Variants in FHIT observed in about 807,000 individuals in gnomAD.
The protein encoded by FHIT is fragile histidine triad diadenosine triphosphatase.
FHIT carries 19 observed loss-of-function variants against 17.9 expected under a neutral mutation model. The observed-to-expected ratio is 1.06, with a 90% confidence interval of 0.74 to 1.56. The LOEUF is 1.56. Ranked by LOEUF, FHIT falls within the 40% of genes most tolerant of loss-of-function variation. The probability of loss-of-function intolerance (pLI) is 0.00; values close to 1 mark genes in which losing one functional copy is unlikely to be tolerated. For synonymous variants in FHIT, 81 were observed against 69.7 expected (o/e 1.16, Z -0.81); for missense variants, 248 against 189.2 (o/e 1.31, Z -1.82).
chr3:60,360,643 G>A (rs773494282), intron 5 of FHIT, among the ~76,000 whole-genome samples: 1 of 152,108 alleles, frequency 6.6e-6, no homozygotes. Context: ...ATATTTAATA[G>A]GCATGCAAAT....
At chr3:59,989,776 T>C (rs982905030) in intron 7 of FHIT, among the ~76,000 whole-genome samples, 9 of 152,028 alleles carry the variant, frequency 5.9e-5, no homozygotes, top group Admixed American at 1.3e-4. Context: ...TCCACATTGA[T>C]TGATTGTAAA....
chr3:61,152,987 C>CA (rs2037436875), intron 2 of FHIT, among the ~76,000 whole-genome samples: 1 of 151,852 alleles, frequency 6.6e-6, no homozygotes, highest in South Asian at 2.1e-4. Flanking sequence ...ACTAAAAATA[C>CA]AAAAAATCAG....
intron 3 of FHIT, among the ~76,000 whole-genome samples, chr3:60,911,601 G>A (rs1382485782): frequency 6.6e-6 from 1 of 152,146 alleles, no homozygotes; most frequent in Non-Finnish European, 1.5e-5. Context: ...GCCATTTCCA[G>A]CACTGTCAGT....
intron 1 of FHIT, among the ~76,000 whole-genome samples, chr3:61,220,788 G>A (rs2039815387): frequency 6.6e-6 from 1 of 152,186 alleles, no homozygotes. Flanking sequence ...GGAAAGGTTA[G>A]TTTTGAGTTT....
chr3:60,140,950 T>C (rs78855461), intron 5 of FHIT, among the ~76,000 whole-genome samples: 3,153 of 152,244 alleles, frequency 0.021, 92 homozygotes, highest in African/African-American at 0.072. Context: ...GGTCAGTAAA[T>C]TTCTTTTTCT....
At chr3:60,547,710 G>T (rs1297447013) in intron 4 of FHIT, among the ~76,000 whole-genome samples, 1 of 152,064 alleles carries the variant, frequency 6.6e-6, no homozygotes, top group Non-Finnish European at 1.5e-5. Flanking sequence ...CACTTTTAGA[G>T]CTTTATCTTT....
At chr3:60,157,407 C>A (rs1700749628) in intron 5 of FHIT, among the ~76,000 whole-genome samples, 1 of 152,158 alleles carries the variant, frequency 6.6e-6, no homozygotes. Context: ...GCTGTCTACT[C>A]ATCTTTAAAA....
chr3:60,527,704 A>G (rs2035625277), intron 5 of FHIT, among the ~76,000 whole-genome samples: 1 of 152,282 alleles, frequency 6.6e-6, no homozygotes, highest in Non-Finnish European at 1.5e-5. Context: ...CCATAAAAAT[A>G]TAAATGGCAG....
At chr3:61,197,088 A>T (rs1347549997) in intron 2 of FHIT, among the ~76,000 whole-genome samples, 1 of 152,146 alleles carries the variant, frequency 6.6e-6, no homozygotes, top group Non-Finnish European at 1.5e-5. Flanking sequence ...GTTGTTGTTT[A>T]ATCTGTCTCT....
intron 2 of FHIT, among the ~76,000 whole-genome samples, chr3:61,045,121 C>A (rs1259423924): frequency 6.6e-6 from 1 of 152,178 alleles, no homozygotes; most frequent in Non-Finnish European, 1.5e-5. Context: ...GGATTAAATA[C>A]ACACATAACA....
At position 60,576,110 on chromosome 3, in the gene FHIT, G is replaced by C. The variant is rs1553657511; in HGVS notation, c.-17-39131C>G. Among the ~76,000 whole-genome samples, 3 of 152,096 alleles carry C rather than the reference G, an allele frequency of 2.0e-5. No individual in the cohort carries two copies. The East Asian group carries it at 5.8e-4, about 29-fold the overall frequency. On this transcript the variant is annotated intron_variant, in intron 4 of 9. Transcript: ENST00000492590. ...GGAAGTCCAGGAGACGCAAGACAGA[G>C]ACGGGTAGAAGTTGAACCTCAGGCA... is the stretch of plus-strand genomic sequence containing the variant.
At chr3:60,100,177 G>A (rs528061144) in intron 5 of FHIT, among the ~76,000 whole-genome samples, 5 of 152,150 alleles carry the variant, frequency 3.3e-5, no homozygotes, top group East Asian at 3.9e-4. Flanking sequence ...TCAGGAGTTC[G>A]AGACCAGCCT....
chr3:59,890,466 G>C (rs935682021), intron 8 of FHIT, among the ~76,000 whole-genome samples: 1 of 152,174 alleles, frequency 6.6e-6, no homozygotes, highest in Non-Finnish European at 1.5e-5. Flanking sequence ...GCTGGGTTTA[G>C]GGTTCCTGAA....
intron 8 of FHIT, among the ~76,000 whole-genome samples, chr3:59,888,319 T>C (rs1262914012): frequency 6.6e-6 from 1 of 152,204 alleles, no homozygotes; most frequent in African/African-American, 2.4e-5. Flanking sequence ...TTTTAAAAAA[T>C]ACTCTAAATT....
chr3:59,801,802 C>T (rs549942221), intron 8 of FHIT, among the ~76,000 whole-genome samples: 101 of 152,254 alleles, frequency 6.6e-4, no homozygotes, highest in Non-Finnish European at 1.1e-3. Context: ...GGTATCTGGC[C>T]TCCACTTACC....
intron 4 of FHIT, among the ~76,000 whole-genome samples, chr3:60,787,200 ATATATT>A (rs1374814716): frequency 6.6e-6 from 1 of 152,192 alleles, no homozygotes; most frequent in Non-Finnish European, 1.5e-5. Flanking sequence ...ATTAGAAAAA[ATATATT>A]TATATACATG....
intron 5 of FHIT, among the ~76,000 whole-genome samples, chr3:60,503,752 A>C (rs1027052776): frequency 5.3e-5 from 8 of 152,204 alleles, no homozygotes; most frequent in Non-Finnish European, 1.2e-4. Context: ...ATATCATACT[A>C]TATGTAGAGT....
At chr3:60,376,448 A>G (rs1252015847) in intron 5 of FHIT, among the ~76,000 whole-genome samples, 2 of 152,200 alleles carry the variant, frequency 1.3e-5, no homozygotes, top group Non-Finnish European at 2.9e-5. Context: ...TCAGTGGTAA[A>G]ATGTGGTTGC....
chr3:61,160,818 T>C (rs1317145802), intron 2 of FHIT, among the ~76,000 whole-genome samples: 2 of 152,218 alleles, frequency 1.3e-5, no homozygotes, highest in Non-Finnish European at 2.9e-5. Context: ...GCATTTCTCT[T>C]TGGAATGGAT....
Sources: allele counts gnomAD v4.1 joint callset (sites outside exome capture counted in the v4.1 genomes callset), GRCh38; gene constraint gnomAD v4.1.1; transcripts MANE v1.5; gene names NCBI Gene and HGNC (gene_info 2026-07-23, HGNC 2026-07-21).